Variants in SPMIP7 observed in about 807,000 individuals in gnomAD.
SPMIP7 encodes the protein sperm microtubule inner protein 7.
the SPMIP7 span, among the ~76,000 whole-genome samples, chr7:50,150,486 T>C: frequency 6.6e-6 from 1 of 152,220 alleles, no homozygotes; most frequent in Non-Finnish European, 1.5e-5. Context: ...TCTGCAAAGA[T>C]GGTAGGCTAT....
chr7:50,157,908 A>AT, the SPMIP7 span, among the ~76,000 whole-genome samples: 1 of 151,830 alleles, frequency 6.6e-6, no homozygotes, highest in African/African-American at 2.4e-5. Context: ...TTTAAAAAAA[A>AT]TTATTTTAAT....
chr7:50,106,299 T>C, the SPMIP7 span, among the ~76,000 whole-genome samples: 8 of 152,216 alleles, frequency 5.3e-5, no homozygotes, highest in Admixed American at 2.0e-4. Flanking sequence ...ATTTGAACTT[T>C]TGGTGGTCTC....
chr7:50,125,585 GGTGTGTGTGTGTGTGTGT>G, the SPMIP7 span, among the ~76,000 whole-genome samples: 2 of 140,902 alleles, frequency 1.4e-5, no homozygotes, highest in South Asian at 2.3e-4. Context: ...AAGAAAATAT[GGTGTGTGTGTGTGTGTGT>G]GTGTGTGTGT....
chr7:50,107,396 G>GAAAAAA, the SPMIP7 span, among the ~76,000 whole-genome samples: 20 of 53,376 alleles, frequency 3.7e-4, no homozygotes, highest in East Asian at 1.1e-3. Flanking sequence ...GAAAAGAAAA[G>GAAAAAA]AAAAAGAAAA....
the SPMIP7 span, among the ~76,000 whole-genome samples, chr7:50,133,763 C>T: frequency 3.9e-5 from 6 of 152,156 alleles, no homozygotes; most frequent in Non-Finnish European, 8.8e-5. Flanking sequence ...AGACAAAGAG[C>T]ATGTGTTGTT....
the SPMIP7 span, chr7:50,142,468 T>C: frequency 1.3e-5 from 2 of 152,204 alleles, no homozygotes; most frequent in Non-Finnish European, 2.9e-5. Flanking sequence ...GCGAATCATA[T>C]AAAAGAATTG....
the SPMIP7 span, among the ~76,000 whole-genome samples, chr7:50,143,874 A>G: frequency 6.6e-6 from 1 of 152,182 alleles, no homozygotes; most frequent in Non-Finnish European, 1.5e-5. Flanking sequence ...TACCACTATA[A>G]CATTACCACA....
chr7:50,138,139 A>G, the SPMIP7 span, among the ~76,000 whole-genome samples: 1 of 152,042 alleles, frequency 6.6e-6, no homozygotes, highest in Non-Finnish European at 1.5e-5. Flanking sequence ...TGCTTTTCAC[A>G]TTTATTATTT....
At chr7:50,110,517 G>T in the SPMIP7 span, among the ~76,000 whole-genome samples, 2 of 141,258 alleles carry the variant, frequency 1.4e-5, no homozygotes, top group African/African-American at 2.6e-5. Flanking sequence ...TTATATATTT[G>T]ATACATTATA....
At chr7:50,154,091 T>C in the SPMIP7 span, among the ~76,000 whole-genome samples, 1 of 152,174 alleles carries the variant, frequency 6.6e-6, no homozygotes, top group South Asian at 2.1e-4. Flanking sequence ...AGTCTCAATA[T>C]TTGCATGTAT....
chr7:50,145,492 A>G, the SPMIP7 span, among the ~76,000 whole-genome samples: 1 of 148,448 alleles, frequency 6.7e-6, no homozygotes, highest in African/African-American at 2.5e-5. Context: ...TCCTTTCCCA[A>G]GGATATGGAA....
At chr7:50,106,014 A>G in the SPMIP7 span, among the ~76,000 whole-genome samples, 1 of 152,350 alleles carries the variant, frequency 6.6e-6, no homozygotes, top group South Asian at 2.1e-4. Flanking sequence ...TGTCATGGAA[A>G]GGCTTATTAG....
the SPMIP7 span, among the ~76,000 whole-genome samples, chr7:50,157,202 C>T: frequency 7.2e-5 from 11 of 152,208 alleles, no homozygotes; most frequent in Non-Finnish European, 2.9e-5. Flanking sequence ...TGGCCATATA[C>T]TCCCACACCA....
chr7:50,140,336 T>A, the SPMIP7 span, among the ~76,000 whole-genome samples: 2 of 152,128 alleles, frequency 1.3e-5, no homozygotes, highest in African/African-American at 4.8e-5. Context: ...CTGTTTAATG[T>A]CAGAAGTCCC....
At chr7:50,096,147 C>T in the SPMIP7 span, 1 of 1,548,104 alleles carries the variant, frequency 6.5e-7, no homozygotes, top group Non-Finnish European at 8.7e-7. Context: ...TCCATCCTTT[C>T]AGGAACTGTT....
At chr7:50,134,733 C>T in the SPMIP7 span, among the ~76,000 whole-genome samples, 1 of 152,156 alleles carries the variant, frequency 6.6e-6, no homozygotes, top group South Asian at 2.1e-4. Flanking sequence ...AGCATACCAA[C>T]TTTTCAGTAG....
chr7:50,111,425 C>T, the SPMIP7 span, among the ~76,000 whole-genome samples: 1 of 152,080 alleles, frequency 6.6e-6, no homozygotes, highest in Non-Finnish European at 1.5e-5. Context: ...CTGGCCAATG[C>T]CACCCTAATC....
the SPMIP7 span, chr7:50,129,806 C>A: frequency 6.6e-7 from 1 of 1,513,902 alleles, no homozygotes; most frequent in South Asian, 1.2e-5. Flanking sequence ...AAGCAGTTTT[C>A]CCAGTGGAAT....
At chr7:50,107,298 G>T in the SPMIP7 span, among the ~76,000 whole-genome samples, 1 of 131,702 alleles carries the variant, frequency 7.6e-6, no homozygotes, top group Middle Eastern at 4.2e-3. Flanking sequence ...GGAGGTTGCA[G>T]TGAGCCGAGA....
Sources: gnomAD v4.1 joint callset for allele counts (sites outside exome capture counted in the v4.1 genomes callset) on GRCh38, gnomAD v4.1.1 for gene constraint, MANE v1.5 for transcripts, NCBI Gene and HGNC (gene_info 2026-07-23, HGNC 2026-07-21) for gene names.